Variants in SIPA1L2 observed in about 807,000 individuals in gnomAD.
The protein encoded by SIPA1L2 is signal-induced proliferation-associated 1-like protein 2.
In SIPA1L2, 56 loss-of-function variants were observed where a neutral mutation model predicts 163.9. That is an observed-to-expected ratio of 0.34 (90% CI 0.28 to 0.43). The LOEUF is 0.43. Among genes scored for constraint, SIPA1L2 ranks in the 20% least tolerant of loss-of-function variants. The pLI, the probability that SIPA1L2 is intolerant of heterozygous loss-of-function variation, is 1.00. For synonymous variants in SIPA1L2, 877 were observed against 865.7 expected, an observed-to-expected ratio of 1.01 and a Z score of -0.23; for missense variants, 1,974 against 2,193.5, an observed-to-expected ratio of 0.90 and a Z score of 2.00.
At chr1:232,485,191 A>G (rs1289419231) in intron 5 of SIPA1L2, among the ~76,000 whole-genome samples, 1 of 152,210 alleles carries the variant, frequency 6.6e-6, no homozygotes, top group East Asian at 1.9e-4. Flanking sequence ...TGAGAAGGCT[A>G]TAAAAGGAAA....
Position 232,432,425 on chromosome 1 carries a change from T to C in SIPA1L2, c.4078A>G (p.Ser1360Gly). 6.2e-7 allele frequency: 1 copy of C among 1,614,252 alleles called. No individual in the cohort carries two copies. The highest frequency in any genetic ancestry group is 8.5e-7 in the Non-Finnish European group (1 of 1,180,052). Residue 1360 changes from serine to glycine, a missense_variant, in exon 16 of 23, where the codon AGT becomes GGT. This residue lies in a region of SIPA1L2 where 1,079 missense variants were observed against 1,150.7 expected (regional missense o/e 0.94). Coordinates refer to ENST00000674635, the MANE Select transcript of SIPA1L2 (RefSeq NM_020808.5). ...ACTTTGGATGAATCCAGAGACCCAC[T>C]ACTTTTTGAACAGTGAGCTGAAGGG... is the stretch of plus-strand genomic sequence containing the variant. Reference protein sequence around the residue: ...GSPSAHCSKSSGSLDSSKVYI... With the variant: ...GSPSAHCSKSGGSLDSSKVYI...
chr1:232,514,874 T>G lies in SIPA1L2; in HGVS notation c.466A>C (p.Ile156Leu). Residue 156 changes from isoleucine (I) to leucine (L), a missense_variant, in exon 3 of 23, where the codon ATA (isoleucine) becomes CTA (leucine). Ile to Leu is a conservative substitution (Grantham distance 5). Coordinates refer to ENST00000674635, the MANE Select transcript of SIPA1L2 (RefSeq NM_020808.5). The stretch of plus-strand genomic sequence containing the variant: ...ACATCACTATTGCTCCTCTGTCTTA[T>G]GGGGTGAAGTCCTCTTTGGGGGGAA... ...VHSPQRGLHPIRQRSNSDVTI... is the reference protein window; with the variant it reads ...VHSPQRGLHPLRQRSNSDVTI... 2 of 1,614,198 alleles carry G rather than the reference T, an allele frequency of 1.2e-6. No individual in the cohort carries two copies. The highest frequency in any genetic ancestry group is 1.3e-5 in the African/African-American group (1 of 75,034).
intron 21 of SIPA1L2, chr1:232,402,891 A>G (rs778990572): frequency 1.6e-4 from 27 of 169,870 alleles, no homozygotes; most frequent in Non-Finnish European, 2.6e-4. Flanking sequence ...TTCAGCTCAC[A>G]TAGAAGTTGG....
At chr1:232,442,542 C>T (rs1315800043) in intron 12 of SIPA1L2, among the ~76,000 whole-genome samples, 1 of 137,724 alleles carries the variant, frequency 7.3e-6, no homozygotes. Context: ...ACCGAGACTC[C>T]ATCTCAAAAG....
At chr1:232,585,083 C>T (rs1191714253) in intron 1 of SIPA1L2, among the ~76,000 whole-genome samples, 3 of 152,108 alleles carry the variant, frequency 2.0e-5, no homozygotes, top group African/African-American at 7.2e-5. Flanking sequence ...TTTTTATACA[C>T]CTAAAAGTAG....
chr1:232,544,491 C>T (rs1222613531), intron 2 of SIPA1L2, among the ~76,000 whole-genome samples: 2 of 151,584 alleles, frequency 1.3e-5, no homozygotes, highest in African/African-American at 4.9e-5. Flanking sequence ...ACCCGGAAGG[C>T]ACAGCTTGCA....
chr1:232,519,382 G>T (rs146131618), intron 2 of SIPA1L2, among the ~76,000 whole-genome samples: 2 of 152,270 alleles, frequency 1.3e-5, no homozygotes, highest in East Asian at 3.9e-4. Flanking sequence ...TTCTGTAGGT[G>T]GCATGCAGCC....
At chr1:232,570,841 T>C (rs1659684912) in intron 2 of SIPA1L2, among the ~76,000 whole-genome samples, 1 of 139,320 alleles carries the variant, frequency 7.2e-6, no homozygotes, top group Admixed American at 7.3e-5. Flanking sequence ...CATGCAAAAA[T>C]AAAGAAAAAA....
chr1:232,420,804 C>T (rs191816233), intron 18 of SIPA1L2, among the ~76,000 whole-genome samples: 103 of 152,214 alleles, frequency 6.8e-4, no homozygotes, highest in African/African-American at 1.3e-3. Context: ...CACTGCACTC[C>T]GGCCTGAGCG....
chr1:232,472,447 C>T (rs1664846077), intron 7 of SIPA1L2, among the ~76,000 whole-genome samples: 1 of 152,214 alleles, frequency 6.6e-6, no homozygotes, highest in South Asian at 2.1e-4. Context: ...GTACCCAATA[C>T]ACATTTGTTT....
chr1:232,541,026 A>G (rs150062387), intron 2 of SIPA1L2, among the ~76,000 whole-genome samples: 2 of 152,330 alleles, frequency 1.3e-5, no homozygotes, highest in Non-Finnish European at 2.9e-5. Context: ...GTTCTCACTT[A>G]TAAGTGGGAG....
At chr1:232,551,501 A>T (rs901917071) in intron 2 of SIPA1L2, among the ~76,000 whole-genome samples, 26 of 152,364 alleles carry the variant, frequency 1.7e-4, no homozygotes, top group African/African-American at 3.4e-4. Context: ...AAAAATTTTT[A>T]AAAAATGAAG....
chr1:232,435,879 T>G (rs1662532105), intron 15 of SIPA1L2, among the ~76,000 whole-genome samples: 1 of 152,182 alleles, frequency 6.6e-6, no homozygotes, highest in Non-Finnish European at 1.5e-5. Context: ...GAGTTGTAAG[T>G]CCTCCCTTTG....
chr1:232,530,515 T>C (rs1341438991), intron 2 of SIPA1L2, among the ~76,000 whole-genome samples: 3 of 152,014 alleles, frequency 2.0e-5, no homozygotes, highest in African/African-American at 4.8e-5. Context: ...GTAGTACAAC[T>C]AGAAAGGGTT....
intron 15 of SIPA1L2, among the ~76,000 whole-genome samples, chr1:232,434,193 T>C (rs1662415685): frequency 6.6e-6 from 1 of 152,156 alleles, no homozygotes; most frequent in Non-Finnish European, 1.5e-5. Context: ...CCTTTTCTGA[T>C]ACATGTATAA....
At chr1:232,510,175 A>G (rs1666914808) in intron 3 of SIPA1L2, among the ~76,000 whole-genome samples, 1 of 152,160 alleles carries the variant, frequency 6.6e-6, no homozygotes, top group African/African-American at 2.4e-5. Flanking sequence ...CAGATGAATA[A>G]GGGGAAATGT....
At chr1:232,408,997 CA>C (rs1449116447) in intron 19 of SIPA1L2, among the ~76,000 whole-genome samples, 1 of 152,038 alleles carries the variant, frequency 6.6e-6, no homozygotes, top group African/African-American at 2.4e-5. Context: ...TACCTAAATC[CA>C]AATGGAATAC....
chr1:232,615,920 G>A (rs141417662), intron 1 of SIPA1L2, among the ~76,000 whole-genome samples: 230 of 152,294 alleles, frequency 1.5e-3, no homozygotes, highest in African/African-American at 5.3e-3. Context: ...AAAAGAACAT[G>A]TAATAAATAG....
chr1:232,447,510 T>G lies in SIPA1L2; in HGVS notation c.3096-1724A>C, dbSNP rs376451587. ...GGTACAATTTAAAAAAGGTGTGTGCTCTGCACAGATGCCCCGACAGAGAAT... is the reference window on the plus strand; with the variant it reads ...GGTACAATTTAAAAAAGGTGTGTGCGCTGCACAGATGCCCCGACAGAGAAT... On this transcript the variant is annotated intron_variant, in intron 10 of 22. Transcript: ENST00000674635. Among the ~76,000 whole-genome samples, 15 of 152,374 alleles carry G rather than the reference T, an allele frequency of 9.8e-5. No individual in the cohort carries two copies. The South Asian group carries it at 2.5e-3, about 25-fold the overall frequency.
Sources: gnomAD v4.1 joint callset for allele counts (sites outside exome capture counted in the v4.1 genomes callset) on GRCh38, gnomAD v4.1.1 for gene constraint, gnomAD v4.1.1 regional missense constraint, MANE v1.5 for transcripts, NCBI Gene and HGNC (gene_info 2026-07-23, HGNC 2026-07-21) for gene names.